The following DOCK5 variants were observed in gnomAD, a reference collection of about 807,000 sequenced individuals.
DOCK5 encodes the protein dedicator of cytokinesis protein 5.
Under a neutral mutation model 251.8 loss-of-function variants are expected in DOCK5, and 142 were observed. The observed-to-expected ratio is 0.56, with a 90% CI of 0.49 to 0.65. The LOEUF (loss-of-function observed/expected upper bound fraction) is 0.65, where lower values mean the gene tolerates loss of function less well. DOCK5 is among the 30% of genes least tolerant of loss of function. The pLI, the probability that DOCK5 is intolerant of heterozygous loss-of-function variation, is 0.00. For missense variants in DOCK5, 2,111 were observed against 2,312.3 expected, an observed-to-expected ratio of 0.91 and a Z score of 1.79; for synonymous variants, 842 against 835.5, an observed-to-expected ratio of 1.01 and a Z score of -0.13.
At position 25,212,519 on chromosome 8, in the gene DOCK5, A is replaced by G. The variant is rs1200244088; in HGVS notation, c.43+27568A>G. Among the ~76,000 whole-genome samples the G allele has an allele frequency of 2.8e-5, 2 of 70,508 alleles. 1 individual carries two copies. The highest frequency in any genetic ancestry group is 9.3e-5 in the Non-Finnish European group (2 of 21,576). 46.3% of individuals were successfully genotyped at this position (70,508 alleles called of 152,430 possible). A position where few individuals can be genotyped will look rare whatever the true frequency, so the allele number is the denominator to read the frequency against. On this transcript the variant is annotated intron_variant, in intron 1 of 51. Transcript: ENST00000276440. ...AAATAAGAAGTATACACAAAAGTCA[A>G]ATTATGTTGAGTCTTCATTATGTGG...
At chr8:25,285,654 A>T (rs749488765) in intron 5 of DOCK5, among the ~76,000 whole-genome samples, 34 of 152,220 alleles carry the variant, frequency 2.2e-4, no homozygotes, top group Admixed American at 8.5e-4. Flanking sequence ...ATATCCAGGC[A>T]GTTTAAAGCT....
At chr8:25,334,281 C>T in intron 21 of DOCK5, 85 bp downstream of exon 21, 3 of 1,110,818 alleles carry the variant, frequency 2.7e-6, no homozygotes, top group Non-Finnish European at 2.7e-6. Context: ...CGAGACGGAC[C>T]TATTACTATT....
rs569707324 is a variant in DOCK5 at position 25,353,632 on chromosome 8, C to A, written c.2850+1806C>A. ...AAAATCTATCAATTACTTTTTATTTCTAGGCCCTGATAATATTGCTGTTAA... is the reference window on the plus strand; with the variant it reads ...AAAATCTATCAATTACTTTTTATTTATAGGCCCTGATAATATTGCTGTTAA... On this transcript the variant is annotated intron_variant, in intron 27 of 51. Transcript: ENST00000276440. Among the ~76,000 whole-genome samples, 67 of 152,046 alleles carry A rather than the reference C, an allele frequency of 4.4e-4. 2 individuals are homozygous for A. The South Asian group carries it at 9.5e-3, about 22-fold the overall frequency.
intron 40 of DOCK5, among the ~76,000 whole-genome samples, chr8:25,385,591 AT>A (rs748771683): frequency 2.2e-4 from 34 of 152,204 alleles, no homozygotes; most frequent in Non-Finnish European, 1.0e-4. Flanking sequence ...TTGAGTAAAT[AT>A]TTATTAAACT....
rs565738674 is a variant in DOCK5 at position 25,392,873 on chromosome 8, G to C, written c.4518G>C (p.Gln1506His). ...TTCTCAAGTGGTTTGAAGTCAAACA[G>C]ATTTCAACAGTGAGTCATTTGAAAT... ...PGILKWFEVK[Q>H]ISTEEISPLE... Residue 1506 changes from glutamine (Q) to histidine (H), a missense_variant, in exon 44 of 52, where the codon CAG becomes CAC. Physicochemically the swap from Gln to His is conservative, Grantham distance 24 (BLOSUM62 0). Coordinates refer to ENST00000276440, the MANE Select transcript of DOCK5 (RefSeq NM_024940.8). 5 of 1,610,716 alleles carry C rather than the reference G, an allele frequency of 3.1e-6. No homozygotes were observed. Among genetic ancestry groups the C allele is most frequent in the African/African-American group, 1.3e-5 (1 of 74,896 alleles).
chr8:25,367,065 G>A (rs2117277209), intron 31 of DOCK5, 95 bp downstream of exon 31: 1 of 1,088,956 alleles, frequency 9.2e-7, no homozygotes, highest in African/African-American at 1.6e-5. Flanking sequence ...TTACTATTTA[G>A]TGGCTACCCA....
At chr8:25,201,830 C>A (rs565089683) in intron 1 of DOCK5, among the ~76,000 whole-genome samples, 1 of 152,164 alleles carries the variant, frequency 6.6e-6, no homozygotes, top group East Asian at 1.9e-4. Context: ...TGACAGTACC[C>A]TAGCCTGGCA....
chr8:25,413,136 G>A lies in DOCK5; in HGVS notation c.*1838G>A, dbSNP rs1435297658. On this transcript the variant is annotated 3_prime_UTR_variant, in exon 52 of 52. Transcript: ENST00000276440. The stretch of plus-strand genomic sequence containing the variant: ...TTTCATTTTCTCACCTTCCAGAATG[G>A]GGATAATGCCTCCTGCATCGGTTGT... The A allele has an allele frequency of 6.6e-6, 1 of 152,156 alleles. No homozygotes were observed. The highest frequency in any genetic ancestry group is 1.5e-5 in the Non-Finnish European group (1 of 68,036). 9.4% of individuals were successfully genotyped at this position (152,156 alleles called of 1,614,324 possible). A position where few individuals can be genotyped will look rare whatever the true frequency, so the allele number is the denominator to read the frequency against.
intron 3 of DOCK5, among the ~76,000 whole-genome samples, chr8:25,273,068 T>C (rs1243328920): frequency 6.6e-6 from 1 of 151,688 alleles, no homozygotes; most frequent in Non-Finnish European, 1.5e-5. Context: ...TCATTTGCCG[T>C]GGCGCAGTGG....
chr8:25,339,840 A>T (rs2117229146), intron 22 of DOCK5, among the ~76,000 whole-genome samples: 1 of 152,346 alleles, frequency 6.6e-6, no homozygotes, highest in Middle Eastern at 3.4e-3. Context: ...AATCTGGCTT[A>T]TATTTTAAAT....
At chr8:25,206,364 T>C (rs1346825426) in intron 1 of DOCK5, among the ~76,000 whole-genome samples, 1 of 151,880 alleles carries the variant, frequency 6.6e-6, no homozygotes, top group African/African-American at 2.4e-5. Flanking sequence ...CTCTGTAGAG[T>C]GGGAGGAAAA....
At chr8:25,269,432 A>G (rs1459596264) in intron 3 of DOCK5, among the ~76,000 whole-genome samples, 3 of 152,232 alleles carry the variant, frequency 2.0e-5, no homozygotes, top group Non-Finnish European at 4.4e-5. Context: ...ATGCAATGGT[A>G]AGTACTGTTT....
rs1235031502 is a variant in DOCK5 at position 25,413,653 on chromosome 8, C to T, written c.*2355C>T. 2 of 152,186 alleles carry T rather than the reference C, an allele frequency of 1.3e-5. No individual in the cohort carries two copies. The highest frequency in any genetic ancestry group is 2.9e-5 in the Non-Finnish European group (2 of 68,046). The allele number at this position is 152,186 out of a possible 1,614,324, so 9.4% of individuals were successfully genotyped here. On this transcript the variant is annotated 3_prime_UTR_variant, in exon 52 of 52. Transcript: ENST00000276440. ...CCTTCCAGAGCAGTAGAAATGAGTC[C>T]CACAGCCTGGTCTTTGAGCAGAGGC... is the stretch of plus-strand genomic sequence containing the variant.
intron 42 of DOCK5, among the ~76,000 whole-genome samples, chr8:25,391,176 C>T (rs1801251445): frequency 6.6e-6 from 1 of 150,792 alleles, no homozygotes; most frequent in Admixed American, 6.6e-5. Flanking sequence ...TCCTAAGTAG[C>T]TGGGACATAC....
At position 25,352,273 on chromosome 8, in the gene DOCK5, GAGGA is replaced by G. The variant is rs1166261854; in HGVS notation, c.2850+461_2850+464del. The stretch of plus-strand genomic sequence containing the variant: ...GAGGGAAGGGAGGGAGGGAGGGAGG[GAGGA>G]AGGAAGGAAGGAAAAAAGGAGAGAA... On this transcript the variant is annotated intron_variant, in intron 27 of 51. Coordinates refer to ENST00000276440, the MANE Select transcript of DOCK5 (RefSeq NM_024940.8). Among the ~76,000 whole-genome samples, 285 of 136,472 alleles carry G rather than the reference GAGGA, an allele frequency of 2.1e-3. 1 individual carries two copies. The highest frequency in any genetic ancestry group is 4.5e-3 in the African/African-American group (169 of 37,312). 89.5% of individuals were successfully genotyped at this position (136,472 alleles called of 152,430 possible).
rs1052886816 is a variant in DOCK5, at chr8:25,413,187, T to C, written c.*1889T>C. On this transcript the variant is annotated 3_prime_UTR_variant, in exon 52 of 52. Coordinates refer to ENST00000276440, the MANE Select transcript of DOCK5 (RefSeq NM_024940.8). The stretch of plus-strand genomic sequence containing the variant: ...TGTGAGGTTTCAATGAGATGAAATA[T>C]GGGAAAGAAGAGGTACTCACCTGAT... The C allele has an allele frequency of 7.2e-5, 11 of 152,198 alleles. No individual in the cohort carries two copies. Among genetic ancestry groups the C allele is most frequent in the Admixed American group, 2.0e-4 (3 of 15,272 alleles). 9.4% of individuals were successfully genotyped at this position (152,198 alleles called of 1,614,324 possible). A position where few individuals can be genotyped will look rare whatever the true frequency, so the allele number is the denominator to read the frequency against.
rs1002649062 is a variant in DOCK5, at chr8:25,400,085, G to A, written c.4788+91G>A. ...GGCTTAAGTCTACAAGCCCACTCAG[G>A]GTGACTTTTCTTTCTTTTTTTAACC... On this transcript the variant is annotated intron_variant, in intron 46 of 51. Coordinates refer to ENST00000276440, the MANE Select transcript of DOCK5 (RefSeq NM_024940.8). 49 of 1,015,560 alleles carry A rather than the reference G, an allele frequency of 4.8e-5. 1 individual carries two copies. In the South Asian group the frequency reaches 5.5e-4, roughly 11 times the overall value. The allele number at this position is 1,015,560 out of a possible 1,614,324, so 62.9% of individuals were successfully genotyped here.
At chr8:25,380,566 T>C (rs1801047657) in intron 39 of DOCK5, among the ~76,000 whole-genome samples, 172 bp downstream of exon 39, 1 of 152,226 alleles carries the variant, frequency 6.6e-6, no homozygotes, top group Admixed American at 6.5e-5. Context: ...CTCTGATCAA[T>C]ATTTCTGCCA....
chr8:25,384,209 C>T lies in DOCK5; in HGVS notation c.4131+1431C>T, dbSNP rs142007118. On this transcript the variant is annotated intron_variant, in intron 40 of 51. Transcript: ENST00000276440. ...TGCGTACTCTGTGGTTTTATTTATA[C>T]GAAATTCTTGCCTAGGCAACGCTTC... Among the ~76,000 whole-genome samples the T allele has an allele frequency of 6.4e-3, 978 of 152,228 alleles. 12 individuals are homozygous for T. The highest frequency in any genetic ancestry group is 0.022 in the African/African-American group (914 of 41,544).
Sources: gnomAD v4.1 joint callset for allele counts (sites outside exome capture counted in the v4.1 genomes callset) on GRCh38, gnomAD v4.1.1 for gene constraint, MANE v1.5 for transcripts, NCBI Gene and HGNC (gene_info 2026-07-23, HGNC 2026-07-21) for gene names.